MECOM: variants seen among roughly 807,000 people sequenced by gnomAD.
The protein encoded by MECOM is MDS1 and EVI1 complex locus.
A neutral mutation model predicts 116.3 loss-of-function variants in MECOM; 13 were observed. That is an observed-to-expected ratio of 0.11 (90% confidence interval 0.07 to 0.18). The LOEUF (loss-of-function observed/expected upper bound fraction) is 0.18. MECOM is among the 10% of genes least tolerant of loss of function. MECOM has a pLI of 1.00. For missense variants in MECOM, 1,299 were observed against 1,509.0 expected (o/e 0.86, Z 2.31); for synonymous variants, 528 against 535.2 (o/e 0.99, Z 0.19).
At chr3:169,181,262 G>A (rs776840222) in intron 2 of MECOM, among the ~76,000 whole-genome samples, 10 of 151,920 alleles carry the variant, frequency 6.6e-5, no homozygotes, top group African/African-American at 1.7e-4. Flanking sequence ...TGCCTAATAC[G>A]GCAGCTACTA....
At chr3:169,417,529 C>T (rs1438257266) in intron 1 of MECOM, among the ~76,000 whole-genome samples, 1 of 151,962 alleles carries the variant, frequency 6.6e-6, no homozygotes, top group Non-Finnish European at 1.5e-5. Flanking sequence ...ACTAGTTCAA[C>T]CATTGTGGAA....
chr3:169,468,064 T>TA (rs1185560109), intron 1 of MECOM, among the ~76,000 whole-genome samples: 1 of 152,112 alleles, frequency 6.6e-6, no homozygotes, highest in African/African-American at 2.4e-5. Context: ...GAAGTTGCGG[T>TA]AAAAGACAAA....
chr3:169,452,773 C>T (rs369044783), intron 1 of MECOM, among the ~76,000 whole-genome samples: 3 of 152,186 alleles, frequency 2.0e-5, no homozygotes, highest in East Asian at 3.8e-4. Context: ...TTGGCTAACC[C>T]TGGGTATCAT....
At chr3:169,107,464 C>G (rs980257941) in intron 10 of MECOM, among the ~76,000 whole-genome samples, 1 of 152,116 alleles carries the variant, frequency 6.6e-6, no homozygotes, top group Admixed American at 6.6e-5. Context: ...ATAGCCAGAA[C>G]CAATTTCTGC....
chr3:169,280,195 G>A (rs1288768528), intron 2 of MECOM, among the ~76,000 whole-genome samples: 1 of 152,166 alleles, frequency 6.6e-6, no homozygotes, highest in Admixed American at 6.5e-5. Context: ...TGCTTTTACT[G>A]TAAGCATGCC....
intron 16 of MECOM, among the ~76,000 whole-genome samples, chr3:169,088,667 G>C (rs900778793): frequency 4.6e-5 from 7 of 152,130 alleles, no homozygotes; most frequent in Non-Finnish European, 1.0e-4. Flanking sequence ...CACGGAAAAT[G>C]ACTCTGAGGT....
rs145872909 is a variant in MECOM at position 169,188,099 on chromosome 3, C to T, written c.376-44267G>A. On this transcript the variant is annotated intron_variant, in intron 2 of 16. Transcript: ENST00000651503. The stretch of plus-strand genomic sequence containing the variant: ...GATTCCCGTAATAAAATGAGTGATC[C>T]GAATAAAAAAAATTGAAAATCACAT... Among the ~76,000 whole-genome samples the T allele has an allele frequency of 4.6e-3, 691 of 151,606 alleles. 6 individuals are homozygous for T. The highest frequency in any genetic ancestry group is 0.027 in the Middle Eastern group (8 of 294).
chr3:169,455,306 T>C (rs1420797821), intron 1 of MECOM, among the ~76,000 whole-genome samples: 1 of 152,170 alleles, frequency 6.6e-6, no homozygotes, highest in Non-Finnish European at 1.5e-5. Context: ...ATGAAGAAAG[T>C]GCACACCCTA....
At chr3:169,283,993 T>C (rs759460797) in intron 2 of MECOM, among the ~76,000 whole-genome samples, 13 of 152,226 alleles carry the variant, frequency 8.5e-5, no homozygotes, top group African/African-American at 3.1e-4. Context: ...TCCACTAGTT[T>C]TCCCCACACT....
At chr3:169,621,650 C>T (rs190756031) in intron 1 of MECOM, among the ~76,000 whole-genome samples, 5 of 152,140 alleles carry the variant, frequency 3.3e-5, no homozygotes, top group East Asian at 1.9e-4. Context: ...CCAACTACTC[C>T]GGAGGCTGAA....
In MECOM at chr3:169,086,714, G is replaced by A. The variant is rs1021177158; in HGVS notation, c.3586-1671C>T. 54 of 560,508 alleles carry A rather than the reference G, an allele frequency of 9.6e-5. 1 individual carries two copies. The highest frequency in any genetic ancestry group is 5.9e-4 in the South Asian group (21 of 35,616). 34.7% of individuals were successfully genotyped at this position (560,508 alleles called of 1,614,324 possible). Reference sequence around the variant, plus strand: ...TATTACCATGAAATTAATTTTTACCGGATAGAGTTTCTTGAGGGAGAGCAC... The same window carrying A: ...TATTACCATGAAATTAATTTTTACCAGATAGAGTTTCTTGAGGGAGAGCAC... On this transcript the variant is annotated intron_variant, in intron 16 of 16. Coordinates refer to ENST00000651503, the MANE Select transcript of MECOM (RefSeq NM_004991.4).
chr3:169,343,592 G>A (rs367649304), intron 2 of MECOM, among the ~76,000 whole-genome samples: 10 of 152,204 alleles, frequency 6.6e-5, no homozygotes, highest in South Asian at 2.1e-4. Flanking sequence ...AAATAGCTTC[G>A]TTAATAGCTA....
intron 1 of MECOM, among the ~76,000 whole-genome samples, chr3:169,448,256 G>A (rs140278400): frequency 9.2e-5 from 14 of 152,250 alleles, no homozygotes; most frequent in Middle Eastern, 3.4e-3. Flanking sequence ...AATGCCACTC[G>A]TGTTATACGT....
chr3:169,188,361 GA>G (rs2149414312), intron 2 of MECOM, among the ~76,000 whole-genome samples: 1 of 152,164 alleles, frequency 6.6e-6, no homozygotes, highest in East Asian at 1.9e-4. Context: ...GAGAGAAACA[GA>G]GAGATAAATA....
At chr3:169,381,722 G>A (rs1390931291) in intron 1 of MECOM, among the ~76,000 whole-genome samples, 198 bp from the exon 2 acceptor site, 1 of 152,172 alleles carries the variant, frequency 6.6e-6, no homozygotes, top group Non-Finnish European at 1.5e-5. Context: ...TATCTGTGGT[G>A]AATCCATAAA....
chr3:169,556,713 TG>T (rs1389479105), intron 1 of MECOM, among the ~76,000 whole-genome samples: 1 of 152,118 alleles, frequency 6.6e-6, no homozygotes, highest in African/African-American at 2.4e-5. Flanking sequence ...GGAGGCCAGC[TG>T]CCATGTCATG....
intron 2 of MECOM, among the ~76,000 whole-genome samples, chr3:169,173,193 G>T (rs564773344): frequency 6.6e-6 from 1 of 151,984 alleles, no homozygotes; most frequent in Non-Finnish European, 1.5e-5. Context: ...TGATCTCCTT[G>T]TTTGGCATTT....
chr3:169,149,245 G>A (rs1253601495), intron 2 of MECOM, among the ~76,000 whole-genome samples: 1 of 152,052 alleles, frequency 6.6e-6, no homozygotes, highest in Non-Finnish European at 1.5e-5. Flanking sequence ...CTGATCAGGG[G>A]GTCTGGGAGC....
At chr3:169,597,475 T>C (rs9852408) in intron 1 of MECOM, among the ~76,000 whole-genome samples, 151,003 of 152,348 alleles carry the variant, frequency 0.99, 74,839 homozygotes, top group East Asian at 1. Context: ...CTTTGACTTA[T>C]GGGGCCTGCA....
Sources: gnomAD v4.1 joint callset for allele counts (sites outside exome capture counted in the v4.1 genomes callset) on GRCh38, gnomAD v4.1.1 for gene constraint, MANE v1.5 for transcripts, NCBI Gene and HGNC (gene_info 2026-07-23, HGNC 2026-07-21) for gene names.